The following DYNC2LI1 variants were observed in gnomAD, a reference collection of about 807,000 sequenced individuals.
DYNC2LI1 encodes dynein cytoplasmic 2 light intermediate chain 1.
Under a neutral mutation model 51.9 loss-of-function variants are expected in DYNC2LI1, and 45 were observed. The observed-to-expected ratio is 0.87, with a 90% CI of 0.68 to 1.11. The LOEUF (loss-of-function observed/expected upper bound fraction) is 1.11. DYNC2LI1 is among the 50% of genes most tolerant of loss of function. DYNC2LI1 has a pLI of 0.00. For synonymous variants in DYNC2LI1, 130 were observed against 137.8 expected, an observed-to-expected ratio of 0.94 and a Z score of 0.40; for missense variants, 490 against 417.4, an observed-to-expected ratio of 1.17 and a Z score of -1.51.
Position 43,792,578 on chromosome 2 carries a change from G to C in DYNC2LI1, c.321-1879G>C, listed in dbSNP as rs925656875. ...TAACTGTGCAGTTCAGTAACATCAAGTATATTCTCATCACCATACATCTCC... is the reference window on the plus strand; with the variant it reads ...TAACTGTGCAGTTCAGTAACATCAACTATATTCTCATCACCATACATCTCC... On this transcript the variant is annotated intron_variant, in intron 5 of 12. Coordinates refer to ENST00000260605, the MANE Select transcript of DYNC2LI1 (RefSeq NM_016008.4). 4.8e-6 allele frequency: 6 copies of C among 1,258,240 alleles called. No homozygotes were observed. In the African/African-American group the frequency reaches 7.7e-5, roughly 16 times the overall value. 77.9% of individuals were successfully genotyped at this position (1,258,240 alleles called of 1,614,324 possible).
intron 12 of DYNC2LI1, among the ~76,000 whole-genome samples, chr2:43,808,594 G>C (rs903727382): frequency 1.8e-4 from 27 of 152,270 alleles, no homozygotes; most frequent in Admixed American, 9.2e-4. Context: ...CCTTGTGCAG[G>C]ATAGCCACCT....
chr2:43,801,513 G>T, intron 9 of DYNC2LI1, 126 bp from the exon 10 acceptor site: 2 of 553,904 alleles, frequency 3.6e-6, no homozygotes, highest in Non-Finnish European at 3.2e-6. Flanking sequence ...TCATTCATTC[G>T]GGGCAATGCT....
intron 4 of DYNC2LI1, among the ~76,000 whole-genome samples, chr2:43,787,723 A>C (rs1180218282): frequency 1.3e-5 from 2 of 152,214 alleles, no homozygotes; most frequent in East Asian, 3.8e-4. Context: ...GGAACATGAT[A>C]AACTCTTCAG....
intron 1 of DYNC2LI1, 64 bp downstream of exon 1, chr2:43,774,210 C>G (rs1672906483): frequency 6.2e-7 from 1 of 1,600,050 alleles, no homozygotes; most frequent in Non-Finnish European, 8.5e-7. Context: ...AGAGGAAGCC[C>G]AGGCGGGACC....
chr2:43,826,174 T>C, the DYNC2LI1 span, among the ~76,000 whole-genome samples: 1 of 151,626 alleles, frequency 6.6e-6, no homozygotes, highest in Non-Finnish European at 1.5e-5. Flanking sequence ...TTCTTTTTTT[T>C]TTTTTTAGAG....
At chr2:43,797,720 A>C (rs532061265) in intron 8 of DYNC2LI1, among the ~76,000 whole-genome samples, 1 of 151,794 alleles carries the variant, frequency 6.6e-6, no homozygotes, top group East Asian at 1.9e-4. Context: ...GGGTTTCACT[A>C]TGTTGGCCAG....
At chr2:43,807,193 G>C (rs1389729120) in intron 12 of DYNC2LI1, among the ~76,000 whole-genome samples, 1 of 152,046 alleles carries the variant, frequency 6.6e-6, no homozygotes, top group Non-Finnish European at 1.5e-5. Context: ...GTGCTGTGAA[G>C]TCAGTCCTCA....
At chr2:43,812,841 A>G (rs1463207714), downstream of DYNC2LI1, 3 of 443,704 alleles carry the variant, frequency 6.8e-6, no homozygotes, top group Admixed American at 1.1e-4. Context: ...CGAGTCTCCC[A>G]TAGGTTTATG....
chr2:43,814,724 T>C, downstream of DYNC2LI1: 1 of 598,642 alleles, frequency 1.7e-6, no homozygotes, highest in East Asian at 2.9e-5. Flanking sequence ...TGATGCTCAC[T>C]ATAAAAAAAC....
intron 10 of DYNC2LI1, among the ~76,000 whole-genome samples, chr2:43,803,396 CT>C (rs1272452951): frequency 3.3e-5 from 5 of 152,046 alleles, no homozygotes; most frequent in Non-Finnish European, 7.4e-5. Context: ...GGGAATCATG[CT>C]GAGTGAAAAG....
At chr2:43,820,240 G>C in the DYNC2LI1 span, 1 of 996,746 alleles carries the variant, frequency 1.0e-6, no homozygotes, top group South Asian at 1.5e-5. Flanking sequence ...CCTTTGAAAG[G>C]CCGTTTTGGA....
intron 8 of DYNC2LI1, among the ~76,000 whole-genome samples, chr2:43,799,900 G>C (rs1443002878): frequency 6.6e-6 from 1 of 152,164 alleles, no homozygotes; most frequent in Non-Finnish European, 1.5e-5. Context: ...TTTAATAAAT[G>C]TGTCAGATCT....
chr2:43,802,479 G>A lies in DYNC2LI1; in HGVS notation c.802+770G>A, dbSNP rs535754046. 4.7e-4 allele frequency among the ~76,000 whole-genome samples: 72 copies of A among 151,800 alleles called. 1 individual carries two copies. Among genetic ancestry groups the A allele is most frequent in the Admixed American group, 1.4e-3 (22 of 15,232 alleles). ...TTGTAATGAGATTATAGATTAATTG[G>A]AATGAAAGGAATGGAGGTGATTTTG... is the stretch of plus-strand genomic sequence containing the variant. On this transcript the variant is annotated intron_variant, in intron 10 of 12. Transcript: ENST00000260605.
At chr2:43,819,582 A>G in the DYNC2LI1 span, among the ~76,000 whole-genome samples, 1 of 152,070 alleles carries the variant, frequency 6.6e-6, no homozygotes, top group East Asian at 1.9e-4. Flanking sequence ...GAACTAATGC[A>G]TGCAATTTAT....
intron 2 of DYNC2LI1, among the ~76,000 whole-genome samples, chr2:43,777,425 G>A (rs1369688700): frequency 6.6e-6 from 1 of 152,206 alleles, no homozygotes; most frequent in Non-Finnish European, 1.5e-5. Context: ...CATACAGAAA[G>A]GCGTGGAAGT....
downstream of DYNC2LI1, among the ~76,000 whole-genome samples, chr2:43,811,697 C>A (rs940562915): frequency 6.6e-6 from 1 of 151,712 alleles, no homozygotes; most frequent in Non-Finnish European, 1.5e-5. Flanking sequence ...CAGGTTCAAG[C>A]GATTCTCCTG....
chr2:43,795,618 GA>G (rs1674000671), intron 6 of DYNC2LI1, among the ~76,000 whole-genome samples: 1 of 152,042 alleles, frequency 6.6e-6, no homozygotes, highest in Non-Finnish European at 1.5e-5. Flanking sequence ...AAAAAACCAG[GA>G]AGGTAATATG....
chr2:43,820,042 C>T, the DYNC2LI1 span: 9 of 1,614,124 alleles, frequency 5.6e-6, no homozygotes, highest in East Asian at 4.5e-5. Context: ...AAGTGGGGGG[C>T]CAAGAGAGCA....
At chr2:43,814,625 GCTCTGGCAATAGTC>G (rs776188540), downstream of DYNC2LI1, 1 of 1,276,154 alleles carries the variant, frequency 7.8e-7, no homozygotes, top group Non-Finnish European at 1.1e-6. Flanking sequence ...AATTCAGTAG[GCTCTGGCAATAGTC>G]CTACCAAATG....
Sources: gnomAD v4.1 joint callset for allele counts (sites outside exome capture counted in the v4.1 genomes callset) on GRCh38, gnomAD v4.1.1 for gene constraint, MANE v1.5 for transcripts, NCBI Gene and HGNC (gene_info 2026-07-23, HGNC 2026-07-21) for gene names.